DMD: variants seen among roughly 807,000 people sequenced by gnomAD.
DMD encodes the protein mutant dystrophin.
A neutral mutation model predicts 330.1 loss-of-function variants in DMD; 63 were observed. That is an observed-to-expected ratio of 0.19 (90% CI 0.16 to 0.24). DMD has a LOEUF of 0.24. DMD is among the 10% of genes least tolerant of loss of function. The pLI is 1.00. For missense variants in DMD, 3,344 were observed against 2,684.1 expected (o/e 1.25, Z -5.43); for synonymous variants, 1,223 against 959.8 (o/e 1.27, Z -5.07).
intron 7 of DMD, among the ~76,000 whole-genome samples, chrX:32,748,069 G>T (rs1219834128): frequency 1.8e-5 from 2 of 111,090 alleles, no homozygotes; most frequent in Non-Finnish European, 3.8e-5. Flanking sequence ...TAGGCCAGGT[G>T]TGGTGGCTTA....
chrX:33,169,323 A>G (rs1446715651), intron 1 of DMD, among the ~76,000 whole-genome samples: 1 of 111,688 alleles, frequency 9.0e-6, no homozygotes, highest in African/African-American at 3.2e-5. Context: ...TCCTTGGGTA[A>G]TGACAGCTTA....
At chrX:33,233,582 A>C (rs2148883768) in intron 1 of DMD, among the ~76,000 whole-genome samples, 1 of 112,805 alleles carries the variant, frequency 8.9e-6, no homozygotes, top group South Asian at 3.6e-4. Flanking sequence ...TTTGCATAAT[A>C]TTCTTGAAAT....
intron 1 of DMD, among the ~76,000 whole-genome samples, chrX:33,227,905 C>G (rs945862158): frequency 2.7e-5 from 3 of 110,978 alleles, no homozygotes; most frequent in African/African-American, 9.8e-5. Flanking sequence ...TAATGGAAAT[C>G]AGAGAAAATA....
Position 31,963,202 on chromosome X carries a change from G to A in DMD, c.6614+5137C>T, listed in dbSNP as rs189019941. On this transcript the variant is annotated intron_variant, in intron 45 of 78. Transcript: ENST00000357033. The stretch of plus-strand genomic sequence containing the variant: ...ATAAGGCTCATTTCTAATCAACAGC[G>A]TGTATTTGCATGCAAACAATGAGCT... 1.7e-3 allele frequency among the ~76,000 whole-genome samples: 187 copies of A among 111,977 alleles called. 1 individual carries two copies. Among genetic ancestry groups the A allele is most frequent in the African/African-American group, 5.6e-3 (172 of 30,870 alleles).
At chrX:32,573,950 C>A (rs138977666) in intron 13 of DMD, 104 bp from the exon 14 acceptor site, 1 of 626,309 alleles carries the variant, frequency 1.6e-6, no homozygotes, top group Non-Finnish European at 2.6e-6. Flanking sequence ...CTCCTATGTA[C>A]GCTAGAAGTT....
intron 11 of DMD, among the ~76,000 whole-genome samples, chrX:32,632,771 T>G (rs2058827347): frequency 9.0e-6 from 1 of 111,410 alleles, no homozygotes; most frequent in African/African-American, 3.3e-5. Flanking sequence ...GTGTACGAGG[T>G]TGAACAGGGC....
chrX:31,150,657 C>T (rs1296104050), intron 74 of DMD, among the ~76,000 whole-genome samples: 1 of 111,797 alleles, frequency 8.9e-6, no homozygotes, highest in East Asian at 2.8e-4. Flanking sequence ...GAAGAGTTTT[C>T]CCATTGTCCA....
intron 55 of DMD, among the ~76,000 whole-genome samples, chrX:31,536,749 T>C (rs746434381): frequency 8.9e-6 from 1 of 111,961 alleles, no homozygotes; most frequent in Non-Finnish European, 1.9e-5. Flanking sequence ...ATAGAAGCTG[T>C]ACTTTCCTTC....
intron 29 of DMD, among the ~76,000 whole-genome samples, chrX:32,431,198 C>T (rs1008283835): frequency 9.0e-6 from 1 of 110,758 alleles, no homozygotes; most frequent in African/African-American, 3.3e-5. Flanking sequence ...GTACAAGGGG[C>T]CCTTTTCTCC....
intron 21 of DMD, among the ~76,000 whole-genome samples, chrX:32,484,676 A>G (rs2042244671): frequency 1.8e-5 from 2 of 112,036 alleles, no homozygotes; most frequent in Admixed American, 9.5e-5. Context: ...ACAATCCCCC[A>G]AGGAGAAGCT....
At chrX:32,987,039 T>G (rs1184256794) in intron 2 of DMD, among the ~76,000 whole-genome samples, 1 of 112,551 alleles carries the variant, frequency 8.9e-6, no homozygotes, top group Non-Finnish European at 1.9e-5. Flanking sequence ...TCTGATATCT[T>G]TCTGTCTACT....
chrX:32,511,524 G>GAAAAAA (rs67754841), intron 18 of DMD, among the ~76,000 whole-genome samples: 9 of 49,785 alleles, frequency 1.8e-4, no homozygotes, highest in Admixed American at 3.2e-4. Context: ...TCCGTCTCGG[G>GAAAAAA]AAAAAAAAAA....
At chrX:32,503,659 A>C (rs1231238168) in intron 18 of DMD, among the ~76,000 whole-genome samples, 1 of 110,707 alleles carries the variant, frequency 9.0e-6, no homozygotes, top group Non-Finnish European at 1.9e-5. Context: ...GGGTTCAAGC[A>C]ACTCTCCTGC....
chrX:32,887,551 CAG>C lies in DMD; in HGVS notation c.94-37733_94-37732del, dbSNP rs2084727687. On this transcript the variant is annotated intron_variant, in intron 2 of 78. Coordinates refer to ENST00000357033, the MANE Select transcript of DMD (RefSeq NM_004006.3). ...GATCATGAGGTCAGGGGTTTGAGACCAGCCTGGCAAACATGGCGAAACCCCGT... is the reference window on the plus strand; with the variant it reads ...GATCATGAGGTCAGGGGTTTGAGACCCCTGGCAAACATGGCGAAACCCCGT... 2.8e-5 allele frequency among the ~76,000 whole-genome samples: 3 copies of C among 105,742 alleles called. No homozygotes were observed. The South Asian group carries it at 1.3e-3, about 46-fold the overall frequency. 91.8% of individuals were successfully genotyped at this position (105,742 alleles called of 115,157 possible).
intron 44 of DMD, among the ~76,000 whole-genome samples, chrX:32,133,306 G>C (rs1332570273): frequency 9.1e-6 from 1 of 110,230 alleles, no homozygotes; most frequent in Non-Finnish European, 1.9e-5. Context: ...ATGCCTGGCT[G>C]ATCATTCCTT....
intron 55 of DMD, among the ~76,000 whole-genome samples, chrX:31,598,294 A>C (rs1339761857): frequency 9.0e-6 from 1 of 110,595 alleles, no homozygotes; most frequent in African/African-American, 3.3e-5. Context: ...ATTTTTTAAA[A>C]AATTTTTTTG....
At chrX:32,045,065 A>G (rs2096053362) in intron 44 of DMD, among the ~76,000 whole-genome samples, 2 of 109,669 alleles carry the variant, frequency 1.8e-5, no homozygotes, top group Non-Finnish European at 3.8e-5. Flanking sequence ...GTAGTGAGTG[A>G]GTTTTCATGA....
chrX:31,314,742 C>CAGAGAGAGAGAGAGAG (rs199994602), intron 62 of DMD, among the ~76,000 whole-genome samples: 1 of 55,283 alleles, frequency 1.8e-5, no homozygotes, highest in African/African-American at 8.5e-5. Context: ...AATACATACA[C>CAGAGAGAGAGAGAGAG]AGAGAGAGAG....
chrX:33,277,839 G>T (rs1218500391), intron 1 of DMD, among the ~76,000 whole-genome samples: 1 of 111,413 alleles, frequency 9.0e-6, no homozygotes, highest in Admixed American at 9.6e-5. Context: ...CAGATGCAGT[G>T]GCTCACACCT....
Sources: allele counts gnomAD v4.1 joint callset (sites outside exome capture counted in the v4.1 genomes callset), GRCh38; gene constraint gnomAD v4.1.1; transcripts MANE v1.5; gene names NCBI Gene and HGNC (gene_info 2026-07-23, HGNC 2026-07-21).